The following MAPKBP1 variants were observed in gnomAD, a reference collection of about 807,000 sequenced individuals.
The protein encoded by MAPKBP1 is mitogen-activated protein kinase binding protein 1.
MAPKBP1 carries 71 observed loss-of-function variants against 170.5 expected under a neutral mutation model. That is an observed-to-expected ratio of 0.42 (90% confidence interval 0.34 to 0.51). The LOEUF (loss-of-function observed/expected upper bound fraction) is 0.51. Among genes scored for constraint, MAPKBP1 ranks in the 20% least tolerant of loss-of-function variants. The pLI is 0.06. For missense variants in MAPKBP1, 1,598 were observed against 1,933.0 expected, an observed-to-expected ratio of 0.83 and a Z score of 3.25; for synonymous variants, 719 against 757.9, an observed-to-expected ratio of 0.95 and a Z score of 0.84.
chr15:41,815,182 A>G lies in MAPKBP1; in HGVS notation c.1171-77A>G. On this transcript the variant is annotated intron_variant, in intron 10 of 30. Coordinates refer to ENST00000457542, the MANE Select transcript of MAPKBP1 (RefSeq NM_014994.3). ...TGGCCACCATTCCCTTTTTCGTCCC[A>G]TTCCCTTCCATCTCCTTGGGTAGGC... 2.5e-6 allele frequency: 4 copies of G among 1,570,474 alleles called. No individual in the cohort carries two copies. The Middle Eastern group carries it at 5.1e-4, about 199-fold the overall frequency.
intron 3 of MAPKBP1, among the ~76,000 whole-genome samples, chr15:41,808,629 C>T (rs1014412708): frequency 1.3e-5 from 2 of 151,690 alleles, no homozygotes; most frequent in African/African-American, 4.8e-5. Flanking sequence ...GTACCCACCA[C>T]CACACCTGGC....
At position 41,813,690 on chromosome 15, in the gene MAPKBP1, C is replaced by G; in HGVS notation, c.889C>G (p.Arg297Gly). ...IFCGCADGTVRLFNPSNLHFL... is the reference protein window; with the variant it reads ...IFCGCADGTVGLFNPSNLHFL... Reference sequence around the variant, plus strand: ...CTGTGGCTGTGCTGATGGCACCGTGCGCCTTTTCAACCCCTCTAACCTGCA... The same window carrying G: ...CTGTGGCTGTGCTGATGGCACCGTGGGCCTTTTCAACCCCTCTAACCTGCA... The change falls in exon 9 of 31, where the codon CGC (arginine) becomes GGC (glycine). Residue 297 changes from arginine (R) to glycine (G), a missense_variant. Arg to Gly is a moderately radical substitution (Grantham distance 125). Transcript: ENST00000457542. 2.5e-6 allele frequency: 4 copies of G among 1,614,072 alleles called. No homozygotes were observed. Among genetic ancestry groups the G allele is most frequent in the Non-Finnish European group, 3.4e-6 (4 of 1,179,978 alleles).
At chr15:41,795,102 T>G (rs1410209516) in intron 2 of MAPKBP1, among the ~76,000 whole-genome samples, 1 of 147,476 alleles carries the variant, frequency 6.8e-6, no homozygotes, top group Non-Finnish European at 1.5e-5. Flanking sequence ...GAGGCAGAGG[T>G]TGCAGTGAGC....
chr15:41,823,883 C>G lies in MAPKBP1; in HGVS notation c.4035C>G (p.Thr1345=), dbSNP rs531318603. 6.2e-7 allele frequency: 1 copy of G among 1,614,176 alleles called. No individual in the cohort carries two copies. The highest frequency in any genetic ancestry group is 1.1e-5 in the South Asian group (1 of 91,086). Residue 1345 remains threonine, a synonymous_variant, in exon 29 of 31, where the codon ACC becomes ACG. Coordinates refer to ENST00000457542, the MANE Select transcript of MAPKBP1 (RefSeq NM_014994.3). ...GATGGGCCTGTTTGGGGGAGGGCAC[C>G]ACTCCCAAGCCTAGGACAGAGTGCC... ...TERWACLGEG[T]TPKPRTECQA...
At chr15:41,795,747 C>G (rs1567139694) in intron 2 of MAPKBP1, among the ~76,000 whole-genome samples, 1 of 152,166 alleles carries the variant, frequency 6.6e-6, no homozygotes, top group Non-Finnish European at 1.5e-5. Flanking sequence ...GCTGGGACTA[C>G]AGGTGCACGG....
intron 25 of MAPKBP1, 30 bp downstream of exon 25, chr15:41,822,140 T>C (rs779050364): frequency 8.6e-6 from 5 of 583,966 alleles, no homozygotes; most frequent in South Asian, 8.5e-5. Flanking sequence ...GGAGGGGCCA[T>C]GGGGGGTGGG....
At chr15:41,812,232 C>A in intron 6 of MAPKBP1, 105 bp downstream of exon 6, 1 of 1,430,662 alleles carries the variant, frequency 7.0e-7, no homozygotes, top group Non-Finnish European at 9.6e-7. Context: ...CCCACTGAAC[C>A]ATTCTCATTC....
At chr15:41,815,567 C>T in intron 11 of MAPKBP1, 57 bp from the exon 12 acceptor site, 1 of 1,572,270 alleles carries the variant, frequency 6.4e-7, no homozygotes, top group East Asian at 2.3e-5. Flanking sequence ...TTTCTTGCCC[C>T]TTGCAGCTGT....
chr15:41,825,409 G>A lies in MAPKBP1; in HGVS notation c.4500G>A (p.Val1500=). The A allele has an allele frequency of 3.1e-6, 5 of 1,612,352 alleles. No homozygotes were observed. Among genetic ancestry groups the A allele is most frequent in the Non-Finnish European group, 4.2e-6 (5 of 1,179,098 alleles). The part of the protein sequence containing the change: ...EQYSELLLRA[V]ERRMERKL ...ACTCAGAACTGTTGCTTCGAGCCGT[G>A]GAACGGCGTATGGAACGCAAACTCT... Residue 1500 remains valine (V), a synonymous_variant, in exon 31 of 31, where the codon GTG becomes GTA. Transcript: ENST00000457542.
intron 29 of MAPKBP1, 59 bp downstream of exon 29, chr15:41,824,120 GGCC>G: frequency 6.5e-7 from 1 of 1,533,208 alleles, no homozygotes. Flanking sequence ...CCTCTCTGTT[GGCC>G]GCTGTCTGGC....
chr15:41,790,158 C>G (rs117582379), intron 2 of MAPKBP1, among the ~76,000 whole-genome samples: 3 of 152,198 alleles, frequency 2.0e-5, no homozygotes, highest in Non-Finnish European at 4.4e-5. Context: ...TGTAGATCCT[C>G]TCTCTGCCCC....
At chr15:41,784,087 C>G (rs2064238400) in intron 2 of MAPKBP1, among the ~76,000 whole-genome samples, 1 of 152,236 alleles carries the variant, frequency 6.6e-6, no homozygotes, top group Admixed American at 6.5e-5. Flanking sequence ...CAGGACTAAA[C>G]TTGTAACATG....
In MAPKBP1 at chr15:41,822,590, T is replaced by C. The variant is rs751739218; in HGVS notation, c.3230-3T>C. 3.1e-6 allele frequency: 5 copies of C among 1,613,842 alleles called. No homozygotes were observed. The highest frequency in any genetic ancestry group is 3.3e-5 in the Admixed American group (2 of 60,000). On this transcript the variant is annotated splice_polypyrimidine_tract_variant and splice_region_variant and intron_variant, in intron 26 of 30. Transcript: ENST00000457542. ...CAATTCATGATTTCTCTGACCTTGGTAGGGGCCCCAGTGCAGGTCCCAGAG... is the reference window on the plus strand; with the variant it reads ...CAATTCATGATTTCTCTGACCTTGGCAGGGGCCCCAGTGCAGGTCCCAGAG...
chr15:41,797,950 T>G (rs149991912), intron 2 of MAPKBP1, among the ~76,000 whole-genome samples: 1 of 152,120 alleles, frequency 6.6e-6, no homozygotes, highest in African/African-American at 2.4e-5. Flanking sequence ...TCTTCAGAGA[T>G]AAGAATTTAA....
intron 12 of MAPKBP1, 66 bp downstream of exon 12, chr15:41,815,865 T>C (rs1042425821): frequency 2.6e-6 from 4 of 1,516,552 alleles, no homozygotes; most frequent in African/African-American, 1.4e-5. Flanking sequence ...TTTAGAACTT[T>C]AGGGAGGGTT....
chr15:41,811,582 G>A (rs935591496), intron 5 of MAPKBP1: 4 of 609,888 alleles, frequency 6.6e-6, no homozygotes, highest in African/African-American at 1.8e-5. Flanking sequence ...CCTTACCCCC[G>A]GGGGCCCCCT....
At chr15:41,789,209 T>C (rs1194528641) in intron 2 of MAPKBP1, among the ~76,000 whole-genome samples, 1 of 152,188 alleles carries the variant, frequency 6.6e-6, no homozygotes, top group Non-Finnish European at 1.5e-5. Context: ...TTAGATCCTT[T>C]TGATGACCAG....
chr15:41,801,581 C>G (rs890571906), intron 3 of MAPKBP1, among the ~76,000 whole-genome samples: 1 of 152,106 alleles, frequency 6.6e-6, no homozygotes, highest in Non-Finnish European at 1.5e-5. Flanking sequence ...GGCCCGGTGG[C>G]TCACGCCTAT....
In MAPKBP1 at chr15:41,826,398, A is replaced by G. The variant is rs557699398; in HGVS notation, c.*962A>G. On this transcript the variant is annotated 3_prime_UTR_variant, in exon 31 of 31. Coordinates refer to ENST00000457542, the MANE Select transcript of MAPKBP1 (RefSeq NM_014994.3). ...CACACGCATGCACGTGCACACATGT[A>G]CACACACACACCTACCTGCACAGCA... is the stretch of plus-strand genomic sequence containing the variant. 3.4e-5 allele frequency: 5 copies of G among 146,862 alleles called. No homozygotes were observed. The highest frequency in any genetic ancestry group is 1.4e-4 in the African/African-American group (5 of 36,260). The allele number at this position is 146,862 out of a possible 1,614,324, so 9.1% of individuals were successfully genotyped here. A position where few individuals can be genotyped will look rare whatever the true frequency, so the allele number is the denominator to read the frequency against.
Sources: allele counts gnomAD v4.1 joint callset (sites outside exome capture counted in the v4.1 genomes callset), GRCh38; gene constraint gnomAD v4.1.1; transcripts MANE v1.5; gene names NCBI Gene and HGNC (gene_info 2026-07-23, HGNC 2026-07-21).